PTK2B: variants seen among roughly 807,000 people sequenced by gnomAD.
PTK2B encodes the protein protein tyrosine kinase 2 beta.
In PTK2B, 71 loss-of-function variants were observed where a neutral mutation model predicts 142.9. The ratio of observed to expected loss-of-function variants is 0.50; its 90% CI spans 0.41 to 0.61. The LOEUF is 0.61. Among genes scored for constraint, PTK2B ranks in the 20% least tolerant of loss-of-function variants. The pLI, the probability that PTK2B is intolerant of heterozygous loss-of-function variation, is 0.00. For missense variants in PTK2B, 1,105 were observed against 1,320.4 expected (o/e 0.84, Z 2.53); for synonymous variants, 519 against 503.4 (o/e 1.03, Z -0.42).
At chr8:27,326,226 A>ATG (rs4054914) in intron 1 of PTK2B, among the ~76,000 whole-genome samples, 4,003 of 146,750 alleles carry the variant, frequency 0.027, 49 homozygotes, top group East Asian at 0.088. Context: ...GCTCGTGTGT[A>ATG]TGTGTGTGTG....
intron 1 of PTK2B, among the ~76,000 whole-genome samples, chr8:27,373,489 C>G (rs1465888042): frequency 6.6e-6 from 1 of 152,050 alleles, no homozygotes; most frequent in Non-Finnish European, 1.5e-5. Context: ...CGTTGCTCCT[C>G]CCTGCCTCTA....
intron 14 of PTK2B, 84 bp from the exon 15 acceptor site, chr8:27,436,167 G>A (rs1018411295): frequency 1.7e-5 from 22 of 1,328,962 alleles, no homozygotes; most frequent in Non-Finnish European, 2.4e-5. Flanking sequence ...GGTGACGCCT[G>A]GCTTTAGAGC....
chr8:27,422,267 G>A (rs1301874663), intron 4 of PTK2B, 37 bp from the exon 5 acceptor site: 1 of 1,590,666 alleles, frequency 6.3e-7, no homozygotes, highest in South Asian at 1.1e-5. Context: ...TGGGAGGTGA[G>A]GGTGCAAGCC....
At chr8:27,346,462 C>A (rs1563206657) in intron 1 of PTK2B, among the ~76,000 whole-genome samples, 1 of 152,354 alleles carries the variant, frequency 6.6e-6, no homozygotes, top group East Asian at 1.9e-4. Flanking sequence ...GGGAGAATTT[C>A]TTGAGCCCTG....
At chr8:27,351,524 A>G (rs1429640558) in intron 1 of PTK2B, among the ~76,000 whole-genome samples, 1 of 152,198 alleles carries the variant, frequency 6.6e-6, no homozygotes, top group Non-Finnish European at 1.5e-5. Flanking sequence ...GTTGACTTCC[A>G]TCCCTCTACT....
intron 1 of PTK2B, among the ~76,000 whole-genome samples, chr8:27,343,097 A>G (rs1804507473): frequency 6.6e-6 from 1 of 152,156 alleles, no homozygotes; most frequent in Admixed American, 6.5e-5. Flanking sequence ...TCAGGGATCT[A>G]CCACCCCCAG....
At chr8:27,431,231 A>G in intron 8 of PTK2B, 167 bp from the exon 9 acceptor site, 1 of 1,502,662 alleles carries the variant, frequency 6.7e-7, no homozygotes, top group Admixed American at 2.1e-5. Context: ...TGGGCAGGAC[A>G]GGCAAGGTGT....
At chr8:27,448,374 T>TGTAA (rs1811604842) in intron 24 of PTK2B, among the ~76,000 whole-genome samples, 1 of 152,246 alleles carries the variant, frequency 6.6e-6, no homozygotes, top group South Asian at 2.1e-4. Flanking sequence ...TAATGAGCAA[T>TGTAA]GTAAGTATCC....
chr8:27,401,088 G>A (rs550482070), intron 2 of PTK2B, among the ~76,000 whole-genome samples: 1 of 152,254 alleles, frequency 6.6e-6, no homozygotes, highest in East Asian at 1.9e-4. Flanking sequence ...GCAGTGAGCC[G>A]AGATCGTGCC....
chr8:27,380,806 G>A (rs1010861124), intron 1 of PTK2B: 3 of 152,168 alleles, frequency 2.0e-5, no homozygotes, highest in African/African-American at 2.4e-5. Flanking sequence ...AGTCTCTCTC[G>A]ATTCAGTTCT....
rs1810566951 is a variant in PTK2B at position 27,433,416 on chromosome 8, G to A, written c.988-19G>A. ...CCAAGGCTCTGGGGTCTCACCCTTG[G>A]CTGGTCTCTGCTCCGCAGGCCTTGT... On this transcript the variant is annotated intron_variant, in intron 10 of 30. Coordinates refer to ENST00000346049, the MANE Select transcript of PTK2B (RefSeq NM_173176.3). 5 of 1,603,448 alleles carry A rather than the reference G, an allele frequency of 3.1e-6. No individual in the cohort carries two copies. In the East Asian group the frequency reaches 8.9e-5, roughly 29 times the overall value.
intron 1 of PTK2B, among the ~76,000 whole-genome samples, chr8:27,362,398 C>G (rs1402564851): frequency 6.6e-6 from 1 of 152,214 alleles, no homozygotes; most frequent in Non-Finnish European, 1.5e-5. Flanking sequence ...TGTGGCTCTT[C>G]TAGCCCAATG....
intron 1 of PTK2B, among the ~76,000 whole-genome samples, chr8:27,345,334 T>C (rs532498417): frequency 4.6e-5 from 7 of 152,260 alleles, no homozygotes; most frequent in Non-Finnish European, 1.0e-4. Context: ...CACATGTTTC[T>C]AAATAGTTTT....
At chr8:27,342,611 C>T (rs1358069300) in intron 1 of PTK2B, among the ~76,000 whole-genome samples, 2 of 152,324 alleles carry the variant, frequency 1.3e-5, no homozygotes, top group East Asian at 3.9e-4. Flanking sequence ...AAATTCCCAC[C>T]TCTCAGATTC....
chr8:27,346,843 G>A (rs1804740628), intron 1 of PTK2B, among the ~76,000 whole-genome samples: 1 of 152,194 alleles, frequency 6.6e-6, no homozygotes, highest in East Asian at 1.9e-4. Flanking sequence ...CTTTCACTGA[G>A]CCAAACTGTC....
At chr8:27,433,606 G>A in intron 11 of PTK2B, 54 bp downstream of exon 11, 5 of 1,456,378 alleles carry the variant, frequency 3.4e-6, no homozygotes, top group Non-Finnish European at 3.8e-6. Flanking sequence ...GCACACCCGA[G>A]TCCCCAGAGG....
intron 2 of PTK2B, among the ~76,000 whole-genome samples, chr8:27,403,807 CT>C (rs1370560454): frequency 2.0e-5 from 3 of 151,808 alleles, no homozygotes; most frequent in African/African-American, 7.3e-5. Flanking sequence ...CTTTGTTCTT[CT>C]TTCTTCTGTC....
chr8:27,361,550 C>A (rs551776993), intron 1 of PTK2B, among the ~76,000 whole-genome samples: 91 of 152,202 alleles, frequency 6.0e-4, no homozygotes, highest in African/African-American at 2.1e-3. Context: ...AAGGAAAGAG[C>A]GAGCCCTGGA....
At chr8:27,377,800 C>G (rs956527434) in intron 1 of PTK2B, among the ~76,000 whole-genome samples, 1 of 152,166 alleles carries the variant, frequency 6.6e-6, no homozygotes, top group Non-Finnish European at 1.5e-5. Flanking sequence ...GGAGCCTCCC[C>G]CAAGAGCACA....
Sources: gnomAD v4.1 joint callset for allele counts (sites outside exome capture counted in the v4.1 genomes callset) on GRCh38, gnomAD v4.1.1 for gene constraint, MANE v1.5 for transcripts, NCBI Gene and HGNC (gene_info 2026-07-23, HGNC 2026-07-21) for gene names.